The following ACSL1 variants were observed in gnomAD, a reference collection of about 807,000 sequenced individuals.
ACSL1 encodes acyl-CoA synthetase long chain family member 1.
A neutral mutation model predicts 98.4 loss-of-function variants in ACSL1; 41 were observed. The ratio of observed to expected loss-of-function variants is 0.42; its 90% CI spans 0.32 to 0.54. The LOEUF (loss-of-function observed/expected upper bound fraction) is 0.54, where lower values mean the gene tolerates loss of function less well. Ranked by LOEUF, ACSL1 falls within the 20% of genes least tolerant of loss-of-function variation. The pLI, the probability that ACSL1 is intolerant of heterozygous loss-of-function variation, is 0.13. For synonymous variants in ACSL1, 316 were observed against 322.7 expected, an observed-to-expected ratio of 0.98 and a Z score of 0.22; for missense variants, 734 against 883.1, an observed-to-expected ratio of 0.83 and a Z score of 2.14.
intron 3 of ACSL1, among the ~76,000 whole-genome samples, chr4:184,785,873 G>A (rs1025248528): frequency 2.0e-5 from 3 of 152,102 alleles, no homozygotes; most frequent in East Asian, 1.9e-4. Flanking sequence ...CTCAAATAAC[G>A]GCATTTCATT....
At chr4:184,771,622 A>G (rs1274213158) in intron 10 of ACSL1, among the ~76,000 whole-genome samples, 2 of 152,198 alleles carry the variant, frequency 1.3e-5, no homozygotes, top group African/African-American at 4.8e-5. Context: ...GAGGGTTTGT[A>G]TAGAATATTC....
intron 3 of ACSL1, chr4:184,788,405 A>AT: frequency 1.5e-6 from 1 of 662,030 alleles, no homozygotes. Flanking sequence ...TGACACTCAC[A>AT]TATTTGACCA....
chr4:184,813,009 A>G (rs62338219), intron 1 of ACSL1, among the ~76,000 whole-genome samples: 16,561 of 152,212 alleles, frequency 0.11, 1,164 homozygotes, highest in Non-Finnish European at 0.16. Context: ...ACAACAGGAT[A>G]TGCCCAACAT....
chr4:184,802,886 C>T (rs907260967), intron 2 of ACSL1, among the ~76,000 whole-genome samples: 4 of 152,232 alleles, frequency 2.6e-5, no homozygotes, highest in African/African-American at 9.7e-5. Flanking sequence ...AAAGTCCCTT[C>T]CAACAGGCTA....
intron 15 of ACSL1, among the ~76,000 whole-genome samples, chr4:184,763,715 C>T (rs1332971232): frequency 1.3e-5 from 2 of 152,182 alleles, no homozygotes; most frequent in African/African-American, 2.4e-5. Flanking sequence ...TATTTCCTTG[C>T]GTATGAAGAA....
chr4:184,792,590 C>G (rs951601651), intron 2 of ACSL1, among the ~76,000 whole-genome samples: 5 of 152,148 alleles, frequency 3.3e-5, no homozygotes, highest in African/African-American at 1.2e-4. Context: ...AGACACGTGC[C>G]ACCTTGCTTG....
intron 2 of ACSL1, among the ~76,000 whole-genome samples, chr4:184,789,855 G>C (rs972694111): frequency 8.0e-5 from 12 of 150,608 alleles, no homozygotes; most frequent in African/African-American, 2.7e-4. Context: ...ATAAATAAAA[G>C]CTCAGTGACT....
chr4:184,813,169 G>A (rs1198610911), intron 1 of ACSL1, among the ~76,000 whole-genome samples: 1 of 152,180 alleles, frequency 6.6e-6, no homozygotes, highest in East Asian at 1.9e-4. Flanking sequence ...TCCAGGTCAT[G>A]TACAGCCTTT....
At position 184,762,417 on chromosome 4, in the gene ACSL1, T is replaced by C. The variant is rs1411491828; in HGVS notation, c.1628A>G (p.Lys543Arg). ...GAGGCGGCAACTTACTGGTAACCAT[T>C]TTCCAATGTCCCCTGTGTGTAACCA... ...DGWLHTGDIG[K>R]WLPNGTLKII... is the part of the protein sequence containing the mutation. The change falls in exon 17 of 21, where the codon AAA becomes AGA. Residue 543 changes from lysine to arginine, a missense_variant. Physicochemically the swap from Lys to Arg is conservative, Grantham distance 26 (BLOSUM62 2). Coordinates refer to ENST00000281455, the MANE Select transcript of ACSL1 (RefSeq NM_001995.5). 6.2e-6 allele frequency: 10 copies of C among 1,614,098 alleles called. No homozygotes were observed. The Admixed American group carries it at 1.5e-4, about 24-fold the overall frequency.
chr4:184,788,299 G>A (rs891802327), intron 3 of ACSL1: 12 of 414,342 alleles, frequency 2.9e-5, no homozygotes, highest in South Asian at 1.4e-4. Flanking sequence ...GAAAAATGCC[G>A]GATTGGGCCC....
rs569889960 is a variant in ACSL1, at chr4:184,776,548, C to A, written c.692G>T (p.Gly231Val). The A allele has an allele frequency of 2.3e-5, 37 of 1,614,048 alleles. 1 individual carries two copies. The Admixed American group carries it at 4.7e-4, about 20-fold the overall frequency. Residue 231 changes from glycine (G) to valine (V), a missense_variant, in exon 7 of 21, where the codon GGC (glycine) becomes GTC (valine). Physicochemically the swap from Gly to Val is moderately radical, Grantham distance 109 (BLOSUM62 -3). Transcript: ENST00000281455. ...LKIIVVMDAY[G>V]SELVERGQRC... ...CTGGCCTCGTTCCACCAGTTCACTG[C>A]CGTAGGCATCCATGACAACTATGAT...
intron 15 of ACSL1, among the ~76,000 whole-genome samples, chr4:184,764,258 C>A (rs1763257162): frequency 6.6e-6 from 1 of 152,190 alleles, no homozygotes; most frequent in African/African-American, 2.4e-5. Context: ...ATAATTTCCT[C>A]TGAGAAGTAC....
At chr4:184,807,422 C>A (rs1771567562) in intron 1 of ACSL1, among the ~76,000 whole-genome samples, 1 of 152,234 alleles carries the variant, frequency 6.6e-6, no homozygotes, top group African/African-American at 2.4e-5. Context: ...TCTACAGCCA[C>A]TCCTGTGCAC....
intron 1 of ACSL1, among the ~76,000 whole-genome samples, chr4:184,804,673 C>A (rs1771115807): frequency 6.6e-6 from 1 of 152,144 alleles, no homozygotes; most frequent in African/African-American, 2.4e-5. Context: ...ATATGACCTC[C>A]CTTCCCTGTG....
At chr4:184,815,138 A>T (rs1462984936) in intron 1 of ACSL1, 1 of 455,824 alleles carries the variant, frequency 2.2e-6, no homozygotes, top group Non-Finnish European at 4.4e-6. Flanking sequence ...GGAGGGAGAA[A>T]ACAGTACGCA....
intron 3 of ACSL1, among the ~76,000 whole-genome samples, chr4:184,784,806 G>T (rs758748428): frequency 6.6e-6 from 1 of 152,132 alleles, no homozygotes; most frequent in East Asian, 1.9e-4. Context: ...AATCAGCCAC[G>T]TGGCTGAGGA....
chr4:184,760,616 C>T, intron 17 of ACSL1, 116 bp from the exon 18 acceptor site: 1 of 1,398,006 alleles, frequency 7.2e-7, no homozygotes, highest in Non-Finnish European at 9.8e-7. Flanking sequence ...ATTCTAATAA[C>T]ATCCCACAGA....
chr4:184,806,476 T>C (rs904018935), intron 1 of ACSL1, among the ~76,000 whole-genome samples: 3 of 152,178 alleles, frequency 2.0e-5, no homozygotes, highest in Non-Finnish European at 4.4e-5. Flanking sequence ...CCAAAGCTCC[T>C]AGAGTAACTC....
In ACSL1 at chr4:184,773,215, A is replaced by G; in HGVS notation, c.842-61T>C. ...AATGACAGAAATGAAGGAGGCCCAG[A>G]AACCTCACATAATTAGGGCTTCAGA... On this transcript the variant is annotated intron_variant, in intron 9 of 20. Transcript: ENST00000281455. This position sits in a 1 kb window ranked among gnomAD's most constrained non-coding sequence, Gnocchi z 4.3. 6.8e-7 allele frequency: 1 copy of G among 1,474,518 alleles called. No homozygotes were observed. Among genetic ancestry groups the G allele is most frequent in the East Asian group, 2.3e-5 (1 of 43,910 alleles). The allele number at this position is 1,474,518 out of a possible 1,614,324, so 91.3% of individuals were successfully genotyped here.
Sources: allele counts gnomAD v4.1 joint callset (sites outside exome capture counted in the v4.1 genomes callset), GRCh38; gene constraint gnomAD v4.1.1; non-coding constraint Gnocchi (gnomAD v3.1); transcripts MANE v1.5; gene names NCBI Gene and HGNC (gene_info 2026-07-23, HGNC 2026-07-21).